Variants in MBNL3 observed in about 807,000 individuals in gnomAD.
MBNL3 encodes the protein muscleblind-like protein 3.
A neutral mutation model predicts 24.5 loss-of-function variants in MBNL3; 6 were observed. That is an observed-to-expected ratio of 0.25 (90% confidence interval 0.13 to 0.48). MBNL3 has a LOEUF of 0.48. MBNL3 is among the 20% of genes least tolerant of loss of function. The pLI is 0.99. For synonymous variants in MBNL3, 100 were observed against 101.7 expected (o/e 0.98, Z 0.10); for missense variants, 230 against 293.5 (o/e 0.78, Z 1.58).
intron 1 of MBNL3, among the ~76,000 whole-genome samples, chrX:132,479,873 G>C (rs937202749): frequency 4.5e-5 from 5 of 111,481 alleles, no homozygotes; most frequent in Non-Finnish European, 9.4e-5. Context: ...GCCAAGTCAT[G>C]GAGTCAGGGG....
rs1464882031 is a variant in MBNL3 at position 132,370,000 on chromosome X, G to C, written c.*9666C>G. The C allele has an allele frequency of 8.9e-6, 1 of 111,887 alleles. No individual in the cohort carries two copies. Among genetic ancestry groups the C allele is most frequent in the Non-Finnish European group, 1.9e-5 (1 of 53,212 alleles). 9.2% of individuals were successfully genotyped at this position (111,887 alleles called of 1,213,427 possible). ...TGTACAAATGGGAATCAGATAGTCT[G>C]TCCCTCTCACAAAGCTATTTCCTGG... On this transcript the variant is annotated 3_prime_UTR_variant, in exon 9 of 9. Transcript: ENST00000370853.
chrX:132,452,722 C>A (rs1946175272), intron 1 of MBNL3, among the ~76,000 whole-genome samples: 1 of 112,940 alleles, frequency 8.9e-6, no homozygotes, highest in African/African-American at 3.2e-5. Flanking sequence ...GTTTTGTATA[C>A]CAACTACCTG....
chrX:132,390,021 G>A (rs537573905), intron 5 of MBNL3, among the ~76,000 whole-genome samples: 17 of 108,220 alleles, frequency 1.6e-4, no homozygotes, highest in African/African-American at 3.7e-4. Flanking sequence ...GGTGAAACCC[G>A]GCCTCTATAA....
At chrX:132,401,519 G>T (rs1049758675) in intron 3 of MBNL3, among the ~76,000 whole-genome samples, 8 of 108,367 alleles carry the variant, frequency 7.4e-5, no homozygotes, top group African/African-American at 2.4e-4. Flanking sequence ...GATGGGGCAG[G>T]ATGATGACTT....
chrX:132,476,691 A>G (rs1479389392), intron 1 of MBNL3, among the ~76,000 whole-genome samples: 1 of 112,332 alleles, frequency 8.9e-6, no homozygotes, highest in African/African-American at 3.2e-5. Context: ...GATGAAAGTT[A>G]GAGTGCTGCA....
chrX:132,447,091 C>G (rs1356398818), intron 1 of MBNL3, among the ~76,000 whole-genome samples: 1 of 111,256 alleles, frequency 9.0e-6, no homozygotes, highest in Non-Finnish European at 1.9e-5. Context: ...GGCCTCTGTT[C>G]TGTTCTGTTC....
intron 8 of MBNL3, 110 bp from the exon 9 acceptor site, chrX:132,379,787 G>C: frequency 1.8e-6 from 1 of 554,513 alleles, no homozygotes; most frequent in Non-Finnish European, 2.9e-6. Context: ...TCTGTTAACA[G>C]TGCCAAAATA....
intron 2 of MBNL3, among the ~76,000 whole-genome samples, chrX:132,427,123 T>C (rs933107098): frequency 1.1e-4 from 12 of 111,735 alleles, no homozygotes; most frequent in African/African-American, 3.9e-4. Flanking sequence ...GCATTTTCGA[T>C]GTTTATGCCA....
rs1291849606 is a variant in MBNL3, at chrX:132,487,371, T to C, written c.-704+1480A>G. ...ACATGAAGCAATGAATTGCCCCACA[T>C]ACTTCTTTCAAGAATAATATGAAAA... On this transcript the variant is annotated intron_variant, in intron 1 of 8. Transcript: ENST00000370853. Among the ~76,000 whole-genome samples the C allele has an allele frequency of 2.7e-5, 3 of 112,268 alleles. No individual in the cohort carries two copies. In the Admixed American group the frequency reaches 2.8e-4, roughly 11 times the overall value.
chrX:132,458,098 T>C (rs1201934168), intron 1 of MBNL3, among the ~76,000 whole-genome samples: 4 of 111,306 alleles, frequency 3.6e-5, no homozygotes, highest in Non-Finnish European at 1.9e-5. Flanking sequence ...ATAGCAGTTA[T>C]CCATAATTAA....
intron 1 of MBNL3, among the ~76,000 whole-genome samples, chrX:132,451,508 C>T (rs1175115944): frequency 9.0e-6 from 1 of 111,588 alleles, no homozygotes; most frequent in East Asian, 2.8e-4. Context: ...TAATGGTGGA[C>T]ACCCCTCCCC....
At chrX:132,436,739 G>A (rs1945137880) in intron 2 of MBNL3, among the ~76,000 whole-genome samples, 1 of 112,261 alleles carries the variant, frequency 8.9e-6, no homozygotes, top group South Asian at 3.7e-4. Context: ...CTTCATGCAT[G>A]TCATGGATAA....
chrX:132,481,687 G>A (rs1453495547), intron 1 of MBNL3, among the ~76,000 whole-genome samples: 1 of 111,970 alleles, frequency 8.9e-6, no homozygotes, highest in East Asian at 2.8e-4. Flanking sequence ...TATGGAGGTA[G>A]TCTTGTCTTT....
At chrX:132,399,493 TAA>T (rs1287549095) in intron 3 of MBNL3, among the ~76,000 whole-genome samples, 2 of 110,864 alleles carry the variant, frequency 1.8e-5, no homozygotes, top group Admixed American at 9.6e-5. Flanking sequence ...ACAAAGTGTA[TAA>T]AAAGTAATTT....
chrX:132,381,649 C>T (rs1934978000), intron 8 of MBNL3, among the ~76,000 whole-genome samples: 2 of 111,346 alleles, frequency 1.8e-5, no homozygotes, highest in African/African-American at 6.5e-5. Context: ...CCTAGAAATA[C>T]CTAAAGCAAA....
intron 1 of MBNL3, among the ~76,000 whole-genome samples, chrX:132,442,137 CT>C (rs1945418750): frequency 9.0e-6 from 1 of 111,076 alleles, no homozygotes; most frequent in African/African-American, 3.3e-5. Flanking sequence ...ACAGAGTCTC[CT>C]TTAGGGGGTG....
chrX:132,376,722 ATCTT>A lies in MBNL3; in HGVS notation c.*2940_*2943del, dbSNP rs1247198173. 6 of 112,049 alleles carry A rather than the reference ATCTT, an allele frequency of 5.4e-5. No homozygotes were observed. Among genetic ancestry groups the A allele is most frequent in the African/African-American group, 1.9e-4 (6 of 30,935 alleles). The allele number at this position is 112,049 out of a possible 1,213,427, so 9.2% of individuals were successfully genotyped here. The stretch of plus-strand genomic sequence containing the variant: ...ATGGAAATTTATAGTCTAATGACTT[ATCTT>A]TCTTCTTTTCTCTTTTCTTGAATAA... On this transcript the variant is annotated 3_prime_UTR_variant, in exon 9 of 9. Transcript: ENST00000370853.
intron 4 of MBNL3, among the ~76,000 whole-genome samples, chrX:132,391,403 G>T (rs1603094062): frequency 8.9e-6 from 1 of 111,805 alleles, no homozygotes; most frequent in East Asian, 2.8e-4. Flanking sequence ...AGCATAATTA[G>T]TGTTTTTTTA....
At position 132,420,349 on chromosome X, in the gene MBNL3, C is replaced by T. The variant is rs780777087; in HGVS notation, c.178-13957G>A. On this transcript the variant is annotated intron_variant, in intron 2 of 8. Coordinates refer to ENST00000370853, the MANE Select transcript of MBNL3 (RefSeq NM_001386889.1). The stretch of plus-strand genomic sequence containing the variant: ...GAAGTCAGCGGCGGGTCTGCGACGG[C>T]GGCAAACAGCAGTGGTGGATGGCGA... 7.2e-5 allele frequency among the ~76,000 whole-genome samples: 8 copies of T among 111,072 alleles called. No homozygotes were observed. The South Asian group carries it at 1.1e-3, about 16-fold the overall frequency.
Sources: gnomAD v4.1 joint callset for allele counts (sites outside exome capture counted in the v4.1 genomes callset) on GRCh38, gnomAD v4.1.1 for gene constraint, MANE v1.5 for transcripts, NCBI Gene and HGNC (gene_info 2026-07-23, HGNC 2026-07-21) for gene names.